Variants in SIPA1L1 observed in about 807,000 individuals in gnomAD.
SIPA1L1 encodes the protein signal induced proliferation associated 1 like 1.
In SIPA1L1, 26 loss-of-function variants were observed where a neutral mutation model predicts 162.7. The ratio of observed to expected loss-of-function variants is 0.16; its 90% CI spans 0.12 to 0.22. SIPA1L1 has a LOEUF of 0.22. Ranked by LOEUF, SIPA1L1 falls within the 10% of genes least tolerant of loss-of-function variation. The pLI is 1.00. For missense variants in SIPA1L1, 1,874 were observed against 2,241.0 expected (o/e 0.84, Z 3.31); for synonymous variants, 829 against 837.4 (o/e 0.99, Z 0.17).
intron 2 of SIPA1L1, among the ~76,000 whole-genome samples, chr14:71,494,376 C>T (rs1054863143): frequency 7.2e-5 from 11 of 151,730 alleles, no homozygotes; most frequent in African/African-American, 1.9e-4. Context: ...TTGATATAAT[C>T]GTGTGGCTTT....
At chr14:71,592,721 A>G (rs1265473175) in intron 5 of SIPA1L1, among the ~76,000 whole-genome samples, 2 of 152,206 alleles carry the variant, frequency 1.3e-5, no homozygotes, top group African/African-American at 2.4e-5. Context: ...ATGAAGCTAT[A>G]ATCACTTTAT....
intron 16 of SIPA1L1, among the ~76,000 whole-genome samples, chr14:71,708,015 G>GTTTTTTT (rs34838057): frequency 1.0e-5 from 1 of 100,302 alleles, no homozygotes; most frequent in Non-Finnish European, 1.9e-5. Context: ...GTTTTTTGGT[G>GTTTTTTT]TTTTTTTTTT....
chr14:71,332,442 ATAT>A (rs2034653409), intron 2 of SIPA1L1, among the ~76,000 whole-genome samples: 1 of 152,138 alleles, frequency 6.6e-6, no homozygotes, highest in South Asian at 2.1e-4. Context: ...CCTATATTAA[ATAT>A]TATTTATATA....
intron 2 of SIPA1L1, among the ~76,000 whole-genome samples, chr14:71,410,700 T>C (rs903546600): frequency 2.0e-5 from 3 of 152,192 alleles, no homozygotes; most frequent in Non-Finnish European, 4.4e-5. Context: ...GTTTTCAGAT[T>C]AAGAATACTC....
At chr14:71,506,791 A>G (rs926906064) in intron 2 of SIPA1L1, among the ~76,000 whole-genome samples, 9 of 148,440 alleles carry the variant, frequency 6.1e-5, no homozygotes, top group Non-Finnish European at 1.3e-4. Context: ...CCATATTATT[A>G]TCTCACATTT....
At chr14:71,697,223 G>C (rs1597055597) in intron 13 of SIPA1L1, among the ~76,000 whole-genome samples, 1 of 152,174 alleles carries the variant, frequency 6.6e-6, no homozygotes, top group South Asian at 2.1e-4. Flanking sequence ...CACTTGGACT[G>C]ACCCAGGCTG....
intron 19 of SIPA1L1, among the ~76,000 whole-genome samples, chr14:71,729,470 G>A (rs2084554034): frequency 6.6e-6 from 1 of 152,194 alleles, no homozygotes; most frequent in African/African-American, 2.4e-5. Context: ...TGCTATGTGA[G>A]TTAAAATATT....
chr14:71,547,240 A>G (rs557242976), intron 4 of SIPA1L1, among the ~76,000 whole-genome samples: 6 of 149,668 alleles, frequency 4.0e-5, no homozygotes, highest in African/African-American at 1.5e-4. Flanking sequence ...TATGTGTCTT[A>G]TATTTCATTA....
At chr14:71,381,390 C>T (rs2039890040) in intron 2 of SIPA1L1, among the ~76,000 whole-genome samples, 2 of 152,178 alleles carry the variant, frequency 1.3e-5, no homozygotes, top group South Asian at 4.2e-4. Flanking sequence ...ATCCCCCTCA[C>T]CCCGCCCTTC....
intron 2 of SIPA1L1, among the ~76,000 whole-genome samples, chr14:71,437,241 G>A (rs2044461304): frequency 6.6e-6 from 1 of 152,094 alleles, no homozygotes; most frequent in Non-Finnish European, 1.5e-5. Context: ...GGAGTGGTAG[G>A]GGCGGCTCAT....
At chr14:71,482,380 A>C (rs2142745161) in intron 2 of SIPA1L1, among the ~76,000 whole-genome samples, 1 of 152,314 alleles carries the variant, frequency 6.6e-6, no homozygotes, top group East Asian at 1.9e-4. Context: ...AGAAGCTTCA[A>C]AATCAAGTGC....
intron 7 of SIPA1L1, among the ~76,000 whole-genome samples, chr14:71,628,710 T>C (rs1018828605): frequency 6.6e-6 from 1 of 152,114 alleles, no homozygotes; most frequent in Admixed American, 6.6e-5. Context: ...ACAAAGAGCA[T>C]GGAGGTACAA....
Position 71,321,103 on chromosome 14 carries a change from G to T in SIPA1L1, c.-524-19G>T, listed in dbSNP as rs1282128496. The T allele has an allele frequency of 6.6e-6, 1 of 152,002 alleles. No individual in the cohort carries two copies. The highest frequency in any genetic ancestry group is 6.5e-5 in the Admixed American group (1 of 15,276). The allele number at this position is 152,002 out of a possible 1,614,324, so 9.4% of individuals were successfully genotyped here. On this transcript the variant is annotated intron_variant, in intron 1 of 23. Coordinates refer to ENST00000381232, the MANE Select transcript of SIPA1L1 (RefSeq NM_001386936.1). ...GTGAGCGCGCGCCGGCCGTCTACAC[G>T]GTTTCTCTTTCTCCCCAGGGAGAGC...
intron 4 of SIPA1L1, chr14:71,576,422 T>G (rs2033043547): frequency 6.6e-6 from 1 of 152,224 alleles, no homozygotes. Context: ...GGAAACAGAT[T>G]ATTGAACAAG....
chr14:71,656,398 C>A lies in SIPA1L1; in HGVS notation c.1994-1935C>A, dbSNP rs77728266. On this transcript the variant is annotated intron_variant, in intron 8 of 23. Coordinates refer to ENST00000381232, the MANE Select transcript of SIPA1L1 (RefSeq NM_001386936.1). ...GACTTGAAACACATGTATAAGTACA[C>A]GTCAGTGGTGACACATTCACTTTAA... Among the ~76,000 whole-genome samples the A allele has an allele frequency of 4.6e-3, 694 of 152,100 alleles. 7 individuals carry two copies. Among genetic ancestry groups the A allele is most frequent in the African/African-American group, 0.016 (658 of 41,464 alleles).
chr14:71,666,941 A>G (rs1173454746), intron 10 of SIPA1L1, among the ~76,000 whole-genome samples: 2 of 151,926 alleles, frequency 1.3e-5, no homozygotes, highest in Non-Finnish European at 2.9e-5. Flanking sequence ...AGGTCAAGTG[A>G]TAGAAATTTC....
chr14:71,740,011 CTGCATTTTGAA>C lies in SIPA1L1; in HGVS notation c.*860_*870del, dbSNP rs1359135028. The C allele has an allele frequency of 6.6e-6, 1 of 152,184 alleles. No individual in the cohort carries two copies. Among genetic ancestry groups the C allele is most frequent in the Non-Finnish European group, 1.5e-5 (1 of 68,036 alleles). The allele number at this position is 152,184 out of a possible 1,614,324, so 9.4% of individuals were successfully genotyped here. A position where few individuals can be genotyped will look rare whatever the true frequency, so the allele number is the denominator to read the frequency against. On this transcript the variant is annotated 3_prime_UTR_variant, in exon 24 of 24. Coordinates refer to ENST00000381232, the MANE Select transcript of SIPA1L1 (RefSeq NM_001386936.1). ...TCCCCCAAACTAAAACCTTATCTGT[CTGCATTTTGAA>C]TGCATTTTGGTCAAAAGTATACGTT...
chr14:71,537,323 C>T (rs1019372681), intron 4 of SIPA1L1, among the ~76,000 whole-genome samples: 1 of 152,174 alleles, frequency 6.6e-6, no homozygotes, highest in African/African-American at 2.4e-5. Context: ...ACCTCCACCT[C>T]TCAAGTAGCT....
At chr14:71,491,293 A>G (rs1412682075) in intron 2 of SIPA1L1, among the ~76,000 whole-genome samples, 1 of 152,104 alleles carries the variant, frequency 6.6e-6, no homozygotes, top group African/African-American at 2.4e-5. Context: ...TGAAGTTTAA[A>G]TTACAGTTGT....
Sources: allele counts gnomAD v4.1 joint callset (sites outside exome capture counted in the v4.1 genomes callset), GRCh38; gene constraint gnomAD v4.1.1; transcripts MANE v1.5; gene names NCBI Gene and HGNC (gene_info 2026-07-23, HGNC 2026-07-21).